The following CR1 variants were observed in gnomAD, a reference collection of about 807,000 sequenced individuals.
CR1 encodes the protein complement C3b/C4b receptor 1 (Knops blood group), also known as complement receptor type 1.
CR1 carries 116 observed loss-of-function variants against 187.3 expected under a neutral mutation model. The ratio of observed to expected loss-of-function variants is 0.62; its 90% CI spans 0.53 to 0.72. CR1 has a LOEUF of 0.72. CR1 is among the 30% of genes least tolerant of loss of function. The pLI is 0.00. For synonymous variants in CR1, 576 were observed against 747.1 expected (o/e 0.77, Z 3.73); for missense variants, 1,731 against 2,110.7 (o/e 0.82, Z 3.52).
At chr1:207,611,028 C>T (rs1411473806) in intron 37 of CR1, among the ~76,000 whole-genome samples, 1 of 151,970 alleles carries the variant, frequency 6.6e-6, no homozygotes, top group Non-Finnish European at 1.5e-5. Context: ...ACATCTTATT[C>T]ATTCTTTCTT....
chr1:207,505,731 A>G (rs1477445035), intron 1 of CR1, among the ~76,000 whole-genome samples, 173 bp from the exon 2 acceptor site: 1 of 152,080 alleles, frequency 6.6e-6, no homozygotes, highest in African/African-American at 2.4e-5. Context: ...GCTACTCAGG[A>G]AGCTGAGGTA....
chr1:207,567,632 A>T (rs1317747839), intron 24 of CR1, among the ~76,000 whole-genome samples, 192 bp from the exon 25 acceptor site: 1 of 150,394 alleles, frequency 6.6e-6, no homozygotes. Flanking sequence ...AAGATTCAGG[A>T]TAGACAAATC....
chr1:207,572,932 T>C (rs619136), intron 27 of CR1, among the ~76,000 whole-genome samples: 103 of 150,520 alleles, frequency 6.8e-4, no homozygotes, highest in South Asian at 2.1e-3. Context: ...GCATGTCTGT[T>C]TCCAAAGTTT....
intron 4 of CR1, among the ~76,000 whole-genome samples, chr1:207,521,613 C>T (rs1479420170): frequency 1.4e-5 from 2 of 139,906 alleles, no homozygotes; most frequent in Admixed American, 7.2e-5. Flanking sequence ...TTTTCCAAAT[C>T]TGCCCTCTTC....
intron 4 of CR1, among the ~76,000 whole-genome samples, chr1:207,517,584 T>C (rs528606435): frequency 6.6e-6 from 1 of 152,174 alleles, no homozygotes; most frequent in African/African-American, 2.4e-5. Context: ...TTGTGTAACA[T>C]TATTTTTCCT....
rs143744362 is a variant in CR1, at chr1:207,508,333, C to T, written c.401+1520C>T. 6.6e-5 allele frequency among the ~76,000 whole-genome samples: 10 copies of T among 152,242 alleles called. No individual in the cohort carries two copies. The East Asian group carries it at 1.2e-3, about 18-fold the overall frequency. ...TGTGTCAGTGTAGGTTCCTCAATTG[C>T]GAAAAACGTACCACCCTGGTGAAAG... On this transcript the variant is annotated intron_variant, in intron 3 of 46. Transcript: ENST00000367049.
rs1260139982 is a variant in CR1, at chr1:207,584,878, T to C, written c.5530+2T>C. 1 of 1,613,902 alleles carries C rather than the reference T, an allele frequency of 6.2e-7. No homozygotes were observed. Among genetic ancestry groups the C allele is most frequent in the Admixed American group, 1.7e-5 (1 of 60,022 alleles). On this transcript the variant is annotated splice_donor_variant, in intron 33 of 46. Transcript: ENST00000367049. LOFTEE classifies it high-confidence loss of function. ...GCTGTGAACTTTCTGTTCGTGCTGG[T>C]CAGTATCCACTTCCACATATCCTAA...
intron 46 of CR1, among the ~76,000 whole-genome samples, chr1:207,635,648 C>G (rs1293520313): frequency 1.3e-5 from 2 of 152,128 alleles, no homozygotes; most frequent in African/African-American, 4.8e-5. Flanking sequence ...TCTTCCTCAG[C>G]GCAGACCCTT....
chr1:207,600,580 AG>A (rs1661575205), intron 35 of CR1: 1 of 152,214 alleles, frequency 6.6e-6, no homozygotes, highest in African/African-American at 2.4e-5. Flanking sequence ...GGAGTACCTT[AG>A]ATCTTGATCA....
chr1:207,605,595 C>A (rs1410088460), intron 35 of CR1, among the ~76,000 whole-genome samples: 2 of 152,094 alleles, frequency 1.3e-5, no homozygotes, highest in Non-Finnish European at 2.9e-5. Context: ...TTAGTCACAG[C>A]GAGCACATCT....
intron 27 of CR1, among the ~76,000 whole-genome samples, chr1:207,572,505 G>C (rs1337914128): frequency 2.6e-5 from 4 of 151,852 alleles, no homozygotes; most frequent in Non-Finnish European, 5.9e-5. Flanking sequence ...GTATGACTTT[G>C]TTTAGACATA....
At chr1:207,518,154 A>G (rs1659861607) in intron 4 of CR1, among the ~76,000 whole-genome samples, 1 of 152,066 alleles carries the variant, frequency 6.6e-6, no homozygotes, top group Admixed American at 6.5e-5. Flanking sequence ...TTTTATTATC[A>G]TTGTACATAA....
At chr1:207,633,283 CTCA>C (rs2102417560) in intron 46 of CR1, among the ~76,000 whole-genome samples, 1 of 152,124 alleles carries the variant, frequency 6.6e-6, no homozygotes, top group African/African-American at 2.4e-5. Flanking sequence ...ACAGTAATAT[CTCA>C]TCATTGTTAA....
In CR1 at chr1:207,611,667, C is replaced by T; in HGVS notation, c.6296-10C>T. The T allele has an allele frequency of 6.2e-7, 1 of 1,613,526 alleles. No individual in the cohort carries two copies. The highest frequency in any genetic ancestry group is 8.5e-7 in the Non-Finnish European group (1 of 1,179,600). On this transcript the variant is annotated splice_polypyrimidine_tract_variant and intron_variant, in intron 37 of 46. Coordinates refer to ENST00000367049, the MANE Select transcript of CR1 (RefSeq NM_000651.6). ...ATCTAACAAGTGCTCTGGAACTGTC[C>T]TTTCCACAGTGTGTCAGCCGCCTCC...
At chr1:207,613,119 T>C (rs1002390188) in intron 39 of CR1, among the ~76,000 whole-genome samples, 4 of 152,162 alleles carry the variant, frequency 2.6e-5, no homozygotes, top group African/African-American at 7.2e-5. Flanking sequence ...CCTGAGTTGT[T>C]GTCCCGCATC....
intron 41 of CR1, among the ~76,000 whole-genome samples, chr1:207,617,474 G>T (rs1662141683): frequency 4.0e-5 from 3 of 75,632 alleles, no homozygotes; most frequent in Non-Finnish European, 5.8e-5. Flanking sequence ...ATGTACCCTA[G>T]AACTTAAAGT....
intron 31 of CR1, among the ~76,000 whole-genome samples, chr1:207,581,327 T>TATGGACAC: frequency 2.8e-5 from 4 of 142,844 alleles, no homozygotes; most frequent in African/African-American, 1.2e-4. Context: ...TACGTATACA[T>TATGGACAC]GTACATGTGT....
At chr1:207,607,616 G>T (rs370632376) in intron 36 of CR1, among the ~76,000 whole-genome samples, 1 of 152,046 alleles carries the variant, frequency 6.6e-6, no homozygotes, top group Admixed American at 6.5e-5. Context: ...TTTTAAAGGC[G>T]TTAGACAAAA....
At chr1:207,520,553 G>C (rs774015758) in intron 4 of CR1, among the ~76,000 whole-genome samples, 3 of 152,180 alleles carry the variant, frequency 2.0e-5, no homozygotes, top group Non-Finnish European at 4.4e-5. Flanking sequence ...ACCTCTGTGT[G>C]ATCTTCAGGC....
Sources: gnomAD v4.1 joint callset for allele counts (sites outside exome capture counted in the v4.1 genomes callset) on GRCh38, gnomAD v4.1.1 for gene constraint, MANE v1.5 for transcripts, NCBI Gene and HGNC (gene_info 2026-07-23, HGNC 2026-07-21) for gene names.